GXYLT2: variants seen among roughly 807,000 people sequenced by gnomAD.
GXYLT2 encodes glucoside xylosyltransferase 2, also known as glycosyltransferase 8 domain containing 4.
In GXYLT2, 53 loss-of-function variants were observed where a neutral mutation model predicts 45.8. The observed-to-expected ratio is 1.16, with a 90% CI of 0.93 to 1.46. GXYLT2 has a LOEUF of 1.46. GXYLT2 is among the 40% of genes most tolerant of loss of function. The probability of loss-of-function intolerance (pLI) is 0.00; values close to 1 mark genes in which losing one functional copy is unlikely to be tolerated. For synonymous variants in GXYLT2, 219 were observed against 214.2 expected, an observed-to-expected ratio of 1.02 and a Z score of -0.19; for missense variants, 551 against 544.4, an observed-to-expected ratio of 1.01 and a Z score of -0.12.
intron 6 of GXYLT2, among the ~76,000 whole-genome samples, 183 bp from the exon 7 acceptor site, chr3:72,974,794 A>G (rs1174449238): frequency 6.6e-6 from 1 of 152,104 alleles, no homozygotes; most frequent in Non-Finnish European, 1.5e-5. Context: ...GAGAGTTTAA[A>G]TGATTACCTG....
intron 4 of GXYLT2, among the ~76,000 whole-genome samples, chr3:72,955,683 C>T (rs954847164): frequency 4.6e-5 from 7 of 152,102 alleles, no homozygotes; most frequent in East Asian, 1.9e-4. Context: ...TATGTAAGTC[C>T]GTGACGATAT....
chr3:72,963,022 T>G (rs573747400), intron 5 of GXYLT2, among the ~76,000 whole-genome samples: 1 of 151,694 alleles, frequency 6.6e-6, no homozygotes, highest in African/African-American at 2.4e-5. Context: ...ATACAGAGTA[T>G]TAAGCGAGGC....
intron 2 of GXYLT2, among the ~76,000 whole-genome samples, chr3:72,912,015 T>TATATATA (rs1559731120): frequency 2.2e-4 from 26 of 116,110 alleles, no homozygotes; most frequent in African/African-American, 8.6e-4. Flanking sequence ...ATATATATAT[T>TATATATA]TTTTTTTTTT....
chr3:72,891,157 C>G (rs1232554336), intron 1 of GXYLT2, among the ~76,000 whole-genome samples: 1 of 152,082 alleles, frequency 6.6e-6, no homozygotes, highest in East Asian at 1.9e-4. Flanking sequence ...AAAACGAGTG[C>G]TTTAATCTCT....
intron 2 of GXYLT2, among the ~76,000 whole-genome samples, chr3:72,911,819 T>C (rs1709628230): frequency 6.6e-6 from 1 of 151,734 alleles, no homozygotes; most frequent in African/African-American, 2.4e-5. Context: ...CTGTTGCCCA[T>C]TGCAGTGACA....
At chr3:72,969,902 T>G (rs1710952158) in intron 6 of GXYLT2, among the ~76,000 whole-genome samples, 1 of 131,094 alleles carries the variant, frequency 7.6e-6, no homozygotes, top group Admixed American at 8.7e-5. Flanking sequence ...TATGAAAATG[T>G]GCATTTGAAA....
At chr3:72,912,687 C>T (rs1313303714) in intron 2 of GXYLT2, among the ~76,000 whole-genome samples, 3 of 152,302 alleles carry the variant, frequency 2.0e-5, no homozygotes, top group South Asian at 2.1e-4. Flanking sequence ...AGCCAACAGC[C>T]AGCCCCAACG....
At position 72,888,460 on chromosome 3, in the gene GXYLT2, G is replaced by A. The variant is rs1709111031; in HGVS notation, c.227G>A (p.Arg76His). 1.6e-6 allele frequency: 2 copies of A among 1,231,554 alleles called. No homozygotes were observed. Among genetic ancestry groups the A allele is most frequent in the Non-Finnish European group, 1.0e-6 (1 of 982,846 alleles). The allele number at this position is 1,231,554 out of a possible 1,614,324, so 76.3% of individuals were successfully genotyped here. A position where few individuals can be genotyped will look rare whatever the true frequency, so the allele number is the denominator to read the frequency against. ...GVRRRRPPRP[R>H]PRAGRRGAAR... ...CGGAGGCGCCGGCCCCCGCGTCCGCGCCCCCGAGCGGGCCGCCGGGGCGCT... is the reference window on the plus strand; with the variant it reads ...CGGAGGCGCCGGCCCCCGCGTCCGCACCCCCGAGCGGGCCGCCGGGGCGCT... The change falls in exon 1 of 7, where the codon CGC becomes CAC. Residue 76 changes from arginine (R) to histidine (H), a missense_variant. By Grantham distance (29) the Arg-to-His change is conservative. Transcript: ENST00000389617.
At chr3:72,932,116 G>A (rs934098421) in intron 3 of GXYLT2, among the ~76,000 whole-genome samples, 14 of 149,972 alleles carry the variant, frequency 9.3e-5, no homozygotes, top group African/African-American at 3.2e-4. Flanking sequence ...GCAATGGCAC[G>A]ATCTTGGCTC....
chr3:72,898,039 CAG>C (rs1709327466), intron 1 of GXYLT2, among the ~76,000 whole-genome samples: 1 of 152,142 alleles, frequency 6.6e-6, no homozygotes, highest in African/African-American at 2.4e-5. Context: ...CTCTGGAAGA[CAG>C]TATACCAAAA....
intron 3 of GXYLT2, among the ~76,000 whole-genome samples, chr3:72,930,595 T>C (rs1232663295): frequency 2.6e-4 from 37 of 141,626 alleles, no homozygotes; most frequent in African/African-American, 9.0e-4. Context: ...TCTTCTTCTT[T>C]TTTTTTTTTT....
chr3:72,967,795 C>T, intron 6 of GXYLT2, 76 bp downstream of exon 6: 2 of 1,220,882 alleles, frequency 1.6e-6, no homozygotes, highest in South Asian at 1.3e-5. Context: ...TCACCTGTCC[C>T]TTTGAAGGCC....
chr3:72,923,194 G>T (rs1709859990), intron 3 of GXYLT2, among the ~76,000 whole-genome samples: 1 of 152,090 alleles, frequency 6.6e-6, no homozygotes, highest in Non-Finnish European at 1.5e-5. Context: ...GGCAGAGCTT[G>T]CAGTGAGCCA....
intron 3 of GXYLT2, among the ~76,000 whole-genome samples, chr3:72,929,987 T>G (rs1490603879): frequency 6.6e-6 from 1 of 151,586 alleles, no homozygotes; most frequent in Non-Finnish European, 1.5e-5. Flanking sequence ...GCCAACATGG[T>G]GAAATGGTGT....
chr3:72,952,402 C>T (rs1182009141), intron 3 of GXYLT2, among the ~76,000 whole-genome samples: 1 of 152,090 alleles, frequency 6.6e-6, no homozygotes, highest in African/African-American at 2.4e-5. Context: ...AGGTGAAGAA[C>T]AAAAGATAAA....
intron 3 of GXYLT2, among the ~76,000 whole-genome samples, chr3:72,936,328 A>T (rs998934705): frequency 6.6e-6 from 1 of 151,096 alleles, no homozygotes; most frequent in Admixed American, 6.6e-5. Flanking sequence ...AAAAGAAGAG[A>T]AAATCAGGAA....
chr3:72,954,399 C>CTGGGTGTGTGTG, intron 3 of GXYLT2, among the ~76,000 whole-genome samples: 1 of 133,890 alleles, frequency 7.5e-6, no homozygotes, highest in South Asian at 2.6e-4. Context: ...TGCTCCCAGC[C>CTGGGTGTGTGTG]TGTGTGTGTG....
At chr3:72,912,171 G>A (rs538203581) in intron 2 of GXYLT2, among the ~76,000 whole-genome samples, 1 of 151,570 alleles carries the variant, frequency 6.6e-6, no homozygotes, top group Non-Finnish European at 1.5e-5. Flanking sequence ...CACCACGCCC[G>A]GCTAATTTTT....
chr3:72,901,842 T>C (rs1434077373), intron 1 of GXYLT2, among the ~76,000 whole-genome samples: 1 of 151,974 alleles, frequency 6.6e-6, no homozygotes, highest in Non-Finnish European at 1.5e-5. Context: ...ATTACAGGGG[T>C]GAGCCACCGC....
Sources: allele counts gnomAD v4.1 joint callset (sites outside exome capture counted in the v4.1 genomes callset), GRCh38; gene constraint gnomAD v4.1.1; transcripts MANE v1.5; gene names NCBI Gene and HGNC (gene_info 2026-07-23, HGNC 2026-07-21).